Variants in DROSHA observed in about 807,000 individuals in gnomAD.
DROSHA encodes the protein ribonuclease 3.
DROSHA carries 56 observed loss-of-function variants against 181.9 expected under a neutral mutation model. The observed-to-expected ratio is 0.31, with a 90% CI of 0.25 to 0.38. The LOEUF is 0.38. Among genes scored for constraint, DROSHA ranks in the 10% least tolerant of loss-of-function variants. The pLI is 1.00. For synonymous variants in DROSHA, 524 were observed against 591.2 expected, an observed-to-expected ratio of 0.89 and a Z score of 1.65; for missense variants, 1,218 against 1,743.5, an observed-to-expected ratio of 0.70 and a Z score of 5.37.
chr5:31,462,417 G>A (rs530919678), intron 20 of DROSHA, among the ~76,000 whole-genome samples: 2 of 152,110 alleles, frequency 1.3e-5, no homozygotes, highest in South Asian at 2.1e-4. Flanking sequence ...GAGTTTAATC[G>A]GGATCCCTTT....
rs537414342 is a variant in DROSHA, at chr5:31,500,407, C to G, written c.1668+4148G>C. Reference sequence around the variant, plus strand: ...CTGGGGCACTCAGGATACAACACCACCAGGGTATGTTGAGAACTCCCTACC... The same window carrying G: ...CTGGGGCACTCAGGATACAACACCAGCAGGGTATGTTGAGAACTCCCTACC... On this transcript the variant is annotated intron_variant, in intron 11 of 35. Coordinates refer to ENST00000344624, the MANE Select transcript of DROSHA (RefSeq NM_001382508.1). Among the ~76,000 whole-genome samples the G allele has an allele frequency of 5.3e-5, 8 of 152,266 alleles. No homozygotes were observed. The East Asian group carries it at 1.4e-3, about 26-fold the overall frequency.
intron 6 of DROSHA, 36 bp from the exon 7 acceptor site, chr5:31,515,600 T>C (rs747973064): frequency 1.9e-6 from 3 of 1,550,362 alleles, no homozygotes; most frequent in Non-Finnish European, 8.7e-7. Context: ...TGTTTGGAAA[T>C]GTCCACATAT....
chr5:31,471,937 A>G, intron 17 of DROSHA, 126 bp downstream of exon 17: 1 of 896,682 alleles, frequency 1.1e-6, no homozygotes, highest in Non-Finnish European at 1.6e-6. Flanking sequence ...TAAAGGAAAA[A>G]TTATCCAAGG....
chr5:31,426,367 T>C (rs1743472788), intron 27 of DROSHA, among the ~76,000 whole-genome samples: 3 of 152,222 alleles, frequency 2.0e-5, no homozygotes. Context: ...CATTTGTTCA[T>C]GCAACATGTT....
rs554274446 is a variant in DROSHA at position 31,457,844 on chromosome 5, C to T, written c.2575-6204G>A. Among the ~76,000 whole-genome samples the T allele has an allele frequency of 1.4e-4, 22 of 152,252 alleles. No individual in the cohort carries two copies. The South Asian group carries it at 3.5e-3, about 24-fold the overall frequency. Reference sequence around the variant, plus strand: ...GTTCAAGGCTGTAGTGAGCCATGATCGCAGTGTCACTGTACTCCAGCCTAG... The same window carrying T: ...GTTCAAGGCTGTAGTGAGCCATGATTGCAGTGTCACTGTACTCCAGCCTAG... On this transcript the variant is annotated intron_variant, in intron 20 of 35. Coordinates refer to ENST00000344624, the MANE Select transcript of DROSHA (RefSeq NM_001382508.1).
chr5:31,488,618 G>C (rs1031736550), intron 13 of DROSHA, among the ~76,000 whole-genome samples: 4 of 152,092 alleles, frequency 2.6e-5, no homozygotes, highest in Non-Finnish European at 5.9e-5. Context: ...CTATTATGTA[G>C]CCCTTACAAA....
At chr5:31,446,446 C>CAAAGAAAAA (rs1746299660) in intron 23 of DROSHA, among the ~76,000 whole-genome samples, 1 of 59,346 alleles carries the variant, frequency 1.7e-5, no homozygotes, top group Non-Finnish European at 3.4e-5. Context: ...GACTCTGTCT[C>CAAAGAAAAA]AAAAAAAAAA....
Position 31,514,589 on chromosome 5 carries a change from G to A in DROSHA, c.1290+399C>T, listed in dbSNP as rs536601621. Among the ~76,000 whole-genome samples, 1 of 152,294 alleles carries A rather than the reference G, an allele frequency of 6.6e-6. No individual in the cohort carries two copies. Among genetic ancestry groups the A allele is most frequent in the Non-Finnish European group, 1.5e-5 (1 of 68,036 alleles). Reference sequence around the variant, plus strand: ...GAGCCTGGAAGATCAAGGCTGCAGTGAGCCACGATGGTGCCACTGCACTCC... The same window carrying A: ...GAGCCTGGAAGATCAAGGCTGCAGTAAGCCACGATGGTGCCACTGCACTCC... On this transcript the variant is annotated intron_variant, in intron 8 of 35. Coordinates refer to ENST00000344624, the MANE Select transcript of DROSHA (RefSeq NM_001382508.1). The surrounding 1 kb of genome is among the most constrained non-coding windows in gnomAD (Gnocchi z 4.4).
chr5:31,440,383 A>C (rs1248995969), intron 23 of DROSHA, among the ~76,000 whole-genome samples: 7 of 152,244 alleles, frequency 4.6e-5, no homozygotes, highest in Admixed American at 3.9e-4. Context: ...TATAGTAGAA[A>C]ATTTAAAATA....
chr5:31,519,509 C>T (rs923803133), intron 6 of DROSHA, among the ~76,000 whole-genome samples: 4 of 152,080 alleles, frequency 2.6e-5, no homozygotes, highest in South Asian at 2.1e-4. Context: ...GTACAATACC[C>T]GGGACACACA....
At chr5:31,478,186 G>A (rs938591914) in intron 16 of DROSHA, among the ~76,000 whole-genome samples, 5 of 152,224 alleles carry the variant, frequency 3.3e-5, no homozygotes, top group South Asian at 2.1e-4. Flanking sequence ...CAGACTTTTC[G>A]CTTATCAGAT....
At chr5:31,491,764 T>C (rs1752454953) in intron 13 of DROSHA, among the ~76,000 whole-genome samples, 1 of 152,100 alleles carries the variant, frequency 6.6e-6, no homozygotes, top group East Asian at 1.9e-4. Context: ...ATAAAGATTA[T>C]TTAAGAATGG....
chr5:31,449,662 G>A (rs1746728456), intron 21 of DROSHA, among the ~76,000 whole-genome samples: 1 of 152,206 alleles, frequency 6.6e-6, no homozygotes, highest in South Asian at 2.1e-4. Context: ...AGGAGGTCGA[G>A]GCTGCAGTGA....
At chr5:31,447,251 G>C (rs1580126072) in intron 23 of DROSHA, among the ~76,000 whole-genome samples, 1 of 152,160 alleles carries the variant, frequency 6.6e-6, no homozygotes, top group East Asian at 1.9e-4. Context: ...AGAACAAAAG[G>C]AGGGAGAGGA....
At position 31,405,929 on chromosome 5, in the gene DROSHA, T is replaced by C. The variant is rs74693249; in HGVS notation, c.3948-206A>G. ...TACACAAGAGCATGCAGAAATGTCATTGATTTGCACAAAGCCTACTTAAGT... is the reference window on the plus strand; with the variant it reads ...TACACAAGAGCATGCAGAAATGTCACTGATTTGCACAAAGCCTACTTAAGT... On this transcript the variant is annotated intron_variant, in intron 34 of 35. Coordinates refer to ENST00000344624, the MANE Select transcript of DROSHA (RefSeq NM_001382508.1). Among the ~76,000 whole-genome samples the C allele has an allele frequency of 2.4e-3, 370 of 152,236 alleles. 3 individuals carry two copies. Among genetic ancestry groups the C allele is most frequent in the African/African-American group, 8.5e-3 (354 of 41,550 alleles).
intron 16 of DROSHA, among the ~76,000 whole-genome samples, chr5:31,477,877 T>C (rs1237380962): frequency 6.6e-6 from 1 of 152,230 alleles, no homozygotes; most frequent in Non-Finnish European, 1.5e-5. Context: ...ATAAACTGAT[T>C]GCTCTATGAT....
At chr5:31,456,397 G>A (rs1179930166) in intron 20 of DROSHA, among the ~76,000 whole-genome samples, 1 of 151,762 alleles carries the variant, frequency 6.6e-6, no homozygotes, top group Non-Finnish European at 1.5e-5. Flanking sequence ...CAAATTAGGT[G>A]CCAGGTGAGA....
At chr5:31,429,002 C>T (rs982466840) in intron 27 of DROSHA, among the ~76,000 whole-genome samples, 2 of 152,118 alleles carry the variant, frequency 1.3e-5, no homozygotes, top group African/African-American at 4.8e-5. Flanking sequence ...ACTCTTTATC[C>T]ATAGCCCTAT....
chr5:31,401,692 A>C (rs1408835350), intron 35 of DROSHA, 130 bp from the exon 36 acceptor site: 1 of 571,454 alleles, frequency 1.7e-6, no homozygotes, highest in Non-Finnish European at 2.4e-6. Flanking sequence ...GTATTTTATA[A>C]GGCACAAGAT....
Sources: allele counts gnomAD v4.1 joint callset (sites outside exome capture counted in the v4.1 genomes callset), GRCh38; gene constraint gnomAD v4.1.1; non-coding constraint Gnocchi (gnomAD v3.1); transcripts MANE v1.5; gene names NCBI Gene and HGNC (gene_info 2026-07-23, HGNC 2026-07-21).